Variants in FCHSD2 observed in about 807,000 individuals in gnomAD.
FCHSD2 encodes FCH and double SH3 domains 2, also known as F-BAR and double SH3 domains protein 2.
Under a neutral mutation model 108.1 loss-of-function variants are expected in FCHSD2, and 38 were observed. The observed-to-expected ratio is 0.35, with a 90% CI of 0.27 to 0.46. The LOEUF is 0.46. Ranked by LOEUF, FCHSD2 falls within the 20% of genes least tolerant of loss-of-function variation. The pLI, the probability that FCHSD2 is intolerant of heterozygous loss-of-function variation, is 1.00. For synonymous variants in FCHSD2, 279 were observed against 314.7 expected (o/e 0.89, Z 1.20); for missense variants, 751 against 897.8 (o/e 0.84, Z 2.09).
chr11:73,032,473 G>C (rs910870296), intron 3 of FCHSD2, among the ~76,000 whole-genome samples: 1 of 151,878 alleles, frequency 6.6e-6, no homozygotes, highest in Non-Finnish European at 1.5e-5. Flanking sequence ...TGATTCTCCC[G>C]ACTTGGCATC....
In FCHSD2 at chr11:72,889,929, G is replaced by A; in HGVS notation, c.941C>T (p.Ser314Leu). 6.2e-7 allele frequency: 1 copy of A among 1,609,544 alleles called. No homozygotes were observed. Among genetic ancestry groups the A allele is most frequent in the Non-Finnish European group, 8.5e-7 (1 of 1,176,084 alleles). ...CDSDTSRQLE[S>L]ETGTTEEHSL... ...GTGCTCCTCTGTGGTCCCAGTTTCT[G>A]ATTCTAACTGTCGGCTCTACAATAC... Residue 314 changes from serine to leucine, a missense_variant, in exon 11 of 20, where the codon TCA (serine) becomes TTA (leucine). Transcript: ENST00000409418.
intron 3 of FCHSD2, among the ~76,000 whole-genome samples, chr11:73,062,670 A>C (rs1438630874): frequency 2.0e-5 from 3 of 152,242 alleles, no homozygotes; most frequent in African/African-American, 7.2e-5. Flanking sequence ...AAATCGATCA[A>C]GAGGAAGAAA....
intron 3 of FCHSD2, among the ~76,000 whole-genome samples, chr11:73,036,867 T>C (rs962663291): frequency 9.9e-5 from 15 of 152,220 alleles, no homozygotes; most frequent in Admixed American, 3.9e-4. Flanking sequence ...GTAATACACA[T>C]ATTCTGCTTA....
intron 8 of FCHSD2, among the ~76,000 whole-genome samples, chr11:72,979,701 G>A (rs757484568): frequency 3.3e-5 from 5 of 152,048 alleles, no homozygotes; most frequent in African/African-American, 4.8e-5. Flanking sequence ...TACTTCCCAT[G>A]CCCACTTTCG....
chr11:73,064,856 C>T (rs1318371429), intron 3 of FCHSD2, among the ~76,000 whole-genome samples: 1 of 152,128 alleles, frequency 6.6e-6, no homozygotes, highest in East Asian at 1.9e-4. Flanking sequence ...GAAATTGAGG[C>T]AGTAATTAAT....
chr11:72,847,696 T>TTA (rs1257176983), intron 14 of FCHSD2, among the ~76,000 whole-genome samples: 1 of 148,824 alleles, frequency 6.7e-6, no homozygotes, highest in African/African-American at 2.5e-5. Flanking sequence ...TAACCTTTTT[T>TTA]TTTTTTTTTT....
chr11:73,042,154 T>A (rs1016913990), intron 3 of FCHSD2, among the ~76,000 whole-genome samples: 1 of 152,206 alleles, frequency 6.6e-6, no homozygotes, highest in Non-Finnish European at 1.5e-5. Flanking sequence ...CTTCAACTCC[T>A]GACTTCAGGT....
chr11:72,839,848 T>C (rs1050105465), intron 19 of FCHSD2, among the ~76,000 whole-genome samples: 1 of 152,128 alleles, frequency 6.6e-6, no homozygotes, highest in African/African-American at 2.4e-5. Context: ...TGGAAGTAGA[T>C]GAGGTCATTC....
At chr11:72,867,517 AG>A (rs1421594816) in intron 13 of FCHSD2, among the ~76,000 whole-genome samples, 1 of 152,222 alleles carries the variant, frequency 6.6e-6, no homozygotes, top group East Asian at 1.9e-4. Context: ...TTTTCACTAA[AG>A]AAGACCTCTG....
intron 8 of FCHSD2, among the ~76,000 whole-genome samples, chr11:72,924,705 A>T (rs1856042937): frequency 6.7e-6 from 1 of 150,144 alleles, no homozygotes; most frequent in Admixed American, 6.6e-5. Flanking sequence ...TTAAATACAC[A>T]AATTCTGTCC....
chr11:72,870,609 T>A (rs1342664308), intron 12 of FCHSD2, among the ~76,000 whole-genome samples: 7 of 151,960 alleles, frequency 4.6e-5, no homozygotes, highest in African/African-American at 1.7e-4. Flanking sequence ...CTTAAAGAAT[T>A]CCCCCTTTGG....
At chr11:72,871,150 G>A (rs1034061044) in intron 12 of FCHSD2, among the ~76,000 whole-genome samples, 2 of 152,064 alleles carry the variant, frequency 1.3e-5, no homozygotes, top group South Asian at 2.1e-4. Context: ...AACCCCTCCC[G>A]ATCAGAAAGT....
chr11:72,964,858 C>T (rs1323683405), intron 8 of FCHSD2, among the ~76,000 whole-genome samples: 5 of 147,806 alleles, frequency 3.4e-5, no homozygotes, highest in East Asian at 2.0e-4. Context: ...GGCAGGATCT[C>T]GGCTCACTGC....
intron 8 of FCHSD2, among the ~76,000 whole-genome samples, chr11:72,948,209 T>A (rs1856555095): frequency 6.6e-6 from 1 of 152,152 alleles, no homozygotes; most frequent in African/African-American, 2.4e-5. Context: ...GGTTTTGCCA[T>A]GTTGGCCAGG....
chr11:72,837,477 A>C lies in FCHSD2; in HGVS notation c.*1314T>G, dbSNP rs529725070. ...TTTCTTAACCAAGGAAAAAAAAAAA[A>C]AACAAACCACAACCGGCGAACATCC... is the stretch of plus-strand genomic sequence containing the variant. On this transcript the variant is annotated 3_prime_UTR_variant, in exon 20 of 20. Transcript: ENST00000409418. The C allele has an allele frequency of 1.3e-5, 2 of 152,116 alleles. No individual in the cohort carries two copies. The highest frequency in any genetic ancestry group is 1.9e-4 in the East Asian group (1 of 5,182). The allele number at this position is 152,116 out of a possible 1,614,324, so 9.4% of individuals were successfully genotyped here. A position where few individuals can be genotyped will look rare whatever the true frequency, so the allele number is the denominator to read the frequency against.
intron 2 of FCHSD2, among the ~76,000 whole-genome samples, chr11:73,092,210 C>A (rs1412625057): frequency 1.3e-5 from 2 of 152,178 alleles, no homozygotes; most frequent in Non-Finnish European, 2.9e-5. Flanking sequence ...TCACAGCAGT[C>A]TCTAACTCAT....
intron 2 of FCHSD2, among the ~76,000 whole-genome samples, chr11:73,091,894 A>G (rs1859967653): frequency 6.6e-6 from 1 of 151,810 alleles, no homozygotes; most frequent in Non-Finnish European, 1.5e-5. Flanking sequence ...ACAAAAAATT[A>G]GCTGGTAGCG....
chr11:72,979,180 G>C (rs1312925962), intron 8 of FCHSD2, among the ~76,000 whole-genome samples: 2 of 152,034 alleles, frequency 1.3e-5, no homozygotes, highest in Non-Finnish European at 2.9e-5. Flanking sequence ...TTAAAGCAGT[G>C]TGAAAACGAA....
intron 2 of FCHSD2, among the ~76,000 whole-genome samples, chr11:73,133,382 T>TG (rs1190103606): frequency 1.3e-5 from 2 of 152,200 alleles, no homozygotes; most frequent in African/African-American, 4.8e-5. Context: ...TGTCAACTGA[T>TG]GAAGGGATTA....
Sources: allele counts gnomAD v4.1 joint callset (sites outside exome capture counted in the v4.1 genomes callset), GRCh38; gene constraint gnomAD v4.1.1; transcripts MANE v1.5; gene names NCBI Gene and HGNC (gene_info 2026-07-23, HGNC 2026-07-21).